ASIC2: variants seen among roughly 807,000 people sequenced by gnomAD.
ASIC2 encodes acid-sensing ion channel 2.
Under a neutral mutation model 57.3 loss-of-function variants are expected in ASIC2, and 25 were observed. The observed-to-expected ratio is 0.44, with a 90% confidence interval of 0.32 to 0.61. The LOEUF is 0.61. Among genes scored for constraint, ASIC2 ranks in the 20% least tolerant of loss-of-function variants. The pLI is 0.06. For missense variants in ASIC2, 641 were observed against 738.1 expected, an observed-to-expected ratio of 0.87 and a Z score of 1.52; for synonymous variants, 319 against 307.5, an observed-to-expected ratio of 1.04 and a Z score of -0.39.
chr17:33,582,025 A>C (rs1387722405), intron 1 of ASIC2, among the ~76,000 whole-genome samples: 2 of 152,172 alleles, frequency 1.3e-5, no homozygotes, highest in African/African-American at 4.8e-5. Flanking sequence ...TTCAGCACCA[A>C]TTGTCCTTAA....
chr17:33,303,453 C>T (rs1258008283), intron 1 of ASIC2, among the ~76,000 whole-genome samples: 1 of 152,160 alleles, frequency 6.6e-6, no homozygotes, highest in Admixed American at 6.5e-5. Flanking sequence ...CCAGGCTTGG[C>T]TAAGTAAATT....
chr17:33,197,819 G>A (rs894893803), intron 1 of ASIC2, among the ~76,000 whole-genome samples: 1 of 152,156 alleles, frequency 6.6e-6, no homozygotes, highest in African/African-American at 2.4e-5. Flanking sequence ...AATTCAAACC[G>A]GGCTTTGTAG....
intron 1 of ASIC2, among the ~76,000 whole-genome samples, chr17:33,198,271 G>A (rs1213268717): frequency 6.6e-6 from 1 of 152,172 alleles, no homozygotes; most frequent in African/African-American, 2.4e-5. Context: ...AGGATCCCTT[G>A]AACTCGGGAG....
chr17:34,023,908 A>G (rs28649113), intron 1 of ASIC2, among the ~76,000 whole-genome samples: 11,980 of 152,272 alleles, frequency 0.079, 1,190 homozygotes, highest in African/African-American at 0.24. Flanking sequence ...GACTGCAAAT[A>G]CAATGTTTGT....
Position 33,341,176 on chromosome 17 carries a change from G to A in ASIC2, c.556-229109C>T, listed in dbSNP as rs757962367. 2.3e-4 allele frequency among the ~76,000 whole-genome samples: 35 copies of A among 152,282 alleles called. No individual in the cohort carries two copies. In the Middle Eastern group the frequency reaches 0.014, roughly 59 times the overall value. On this transcript the variant is annotated intron_variant, in intron 1 of 9. Transcript: ENST00000359872. The stretch of plus-strand genomic sequence containing the variant: ...TCAGAATCAACCGAGGAGCGCTTGT[G>A]AAACCTTCACATTCCCAGACCCCAT...
chr17:33,737,492 TAATCTGG>T (rs1909953931), intron 1 of ASIC2, among the ~76,000 whole-genome samples: 1 of 150,920 alleles, frequency 6.6e-6, no homozygotes, highest in African/African-American at 2.4e-5. Context: ...GAAATATTTT[TAATCTGG>T]TTTAAATCTC....
At chr17:33,803,137 C>A (rs1912176470) in intron 1 of ASIC2, among the ~76,000 whole-genome samples, 1 of 152,168 alleles carries the variant, frequency 6.6e-6, no homozygotes, top group African/African-American at 2.4e-5. Flanking sequence ...AAGTGTGGAA[C>A]TCTGAAGAAG....
At chr17:33,192,435 AAAACAAAACAAAAC>A in intron 1 of ASIC2, among the ~76,000 whole-genome samples, 1 of 143,940 alleles carries the variant, frequency 6.9e-6, no homozygotes, top group East Asian at 2.1e-4. Context: ...AAAACAAAAC[AAAACAAAACAAAAC>A]AAAACACAAC....
chr17:33,158,554 C>T (rs1905074974), intron 1 of ASIC2, among the ~76,000 whole-genome samples: 1 of 152,220 alleles, frequency 6.6e-6, no homozygotes, highest in African/African-American at 2.4e-5. Context: ...AATGCAAATC[C>T]TCTGTCCTTT....
At chr17:34,029,245 G>T (rs1303530526) in intron 1 of ASIC2, among the ~76,000 whole-genome samples, 1 of 152,102 alleles carries the variant, frequency 6.6e-6, no homozygotes, top group East Asian at 1.9e-4. Context: ...GATAGGCTCT[G>T]TGAAGATAAG....
intron 1 of ASIC2, among the ~76,000 whole-genome samples, chr17:33,918,964 C>T (rs1044335470): frequency 6.6e-6 from 1 of 152,096 alleles, no homozygotes; most frequent in African/African-American, 2.4e-5. Flanking sequence ...GTCTCAGGGT[C>T]GTGATGGGCA....
intron 1 of ASIC2, among the ~76,000 whole-genome samples, chr17:33,550,383 T>C (rs1915715940): frequency 1.3e-5 from 2 of 152,138 alleles, no homozygotes; most frequent in African/African-American, 4.8e-5. Flanking sequence ...GCAGGCGATA[T>C]CATGGGAAGA....
At chr17:33,981,739 A>G (rs1346878497) in intron 1 of ASIC2, among the ~76,000 whole-genome samples, 1 of 152,220 alleles carries the variant, frequency 6.6e-6, no homozygotes, top group Non-Finnish European at 1.5e-5. Flanking sequence ...ATTCTGAGCT[A>G]AGCACCATGC....
At chr17:33,040,845 T>C (rs16553) in intron 3 of ASIC2, among the ~76,000 whole-genome samples, 63,623 of 152,046 alleles carry the variant, frequency 0.42, 13,534 homozygotes, top group Admixed American at 0.55. Context: ...TTTGAAAGTG[T>C]GAGAGACAGG....
At chr17:34,155,822 C>G (rs887411932) in intron 1 of ASIC2, 2 of 788,824 alleles carry the variant, frequency 2.5e-6, no homozygotes, top group Non-Finnish European at 3.9e-6. Context: ...GCAACCAGCT[C>G]GCACAACTCT....
Position 33,292,990 on chromosome 17 carries a change from C to T in ASIC2, c.-875G>A. The T allele has an allele frequency of 6.1e-6, 6 of 985,572 alleles. No homozygotes were observed. Among genetic ancestry groups the T allele is most frequent in the Non-Finnish European group, 7.2e-6 (6 of 830,002 alleles). The allele number at this position is 985,572 out of a possible 1,614,324, so 61.1% of individuals were successfully genotyped here. A position where few individuals can be genotyped will look rare whatever the true frequency, so the allele number is the denominator to read the frequency against. On this transcript the variant is annotated 5_prime_UTR_variant, in exon 1 of 10. Transcript: ENST00000225823. Reference sequence around the variant, plus strand: ...TTCTCGCCTCGGCTCTCCCAGGTGCCTCGCGTCTCCAGAAAAGCCCAGCCT... The same window carrying T: ...TTCTCGCCTCGGCTCTCCCAGGTGCTTCGCGTCTCCAGAAAAGCCCAGCCT...
intron 1 of ASIC2, among the ~76,000 whole-genome samples, chr17:33,541,966 A>T (rs1915425678): frequency 6.6e-6 from 1 of 152,178 alleles, no homozygotes; most frequent in African/African-American, 2.4e-5. Context: ...TTGTTTCCTC[A>T]TCAATTTCAT....
chr17:33,308,283 C>T (rs928394790), intron 1 of ASIC2, among the ~76,000 whole-genome samples: 1 of 152,190 alleles, frequency 6.6e-6, no homozygotes, highest in Admixed American at 6.5e-5. Context: ...TTCCTTTAAG[C>T]CACTACATCT....
At position 34,099,649 on chromosome 17, in the gene ASIC2, GAGGA is replaced by G. The variant is rs759857731; in HGVS notation, c.555+56325_555+56328del. ...AAAAGAAAAAGAAAGAAAGAAAAGA[GAGGA>G]AGGAAGGAAGGAAAGAAAGAAAGAA... On this transcript the variant is annotated intron_variant, in intron 1 of 9. Transcript: ENST00000359872. Among the ~76,000 whole-genome samples the G allele has an allele frequency of 9.6e-4, 124 of 129,680 alleles. 1 individual carries two copies. The highest frequency in any genetic ancestry group is 5.2e-3 in the South Asian group (21 of 4,036). The allele number at this position is 129,680 out of a possible 152,430, so 85.1% of individuals were successfully genotyped here.
Sources: gnomAD v4.1 joint callset for allele counts (sites outside exome capture counted in the v4.1 genomes callset) on GRCh38, gnomAD v4.1.1 for gene constraint, MANE v1.5 for transcripts, NCBI Gene and HGNC (gene_info 2026-07-23, HGNC 2026-07-21) for gene names.